Variants in SOD2 observed in about 807,000 individuals in gnomAD.
SOD2 encodes the protein superoxide dismutase 2.
SOD2 carries 11 observed loss-of-function variants against 27.0 expected under a neutral mutation model. The ratio of observed to expected loss-of-function variants is 0.41; its 90% confidence interval spans 0.26 to 0.67. The LOEUF is 0.67. Among genes scored for constraint, SOD2 ranks in the 30% least tolerant of loss-of-function variants. The pLI is 0.34. For missense variants in SOD2, 250 were observed against 274.5 expected (o/e 0.91, Z 0.63); for synonymous variants, 105 against 103.0 (o/e 1.02, Z -0.12).
intron 1 of SOD2, among the ~76,000 whole-genome samples, chr6:159,723,429 C>G (rs1778078133): frequency 6.6e-6 from 1 of 152,202 alleles, no homozygotes; most frequent in Non-Finnish European, 1.5e-5. Flanking sequence ...CCTCATTGGT[C>G]TAAGCACTTC....
intron 1 of SOD2, among the ~76,000 whole-genome samples, chr6:159,712,564 C>G (rs1260842389): frequency 6.7e-6 from 1 of 149,592 alleles, no homozygotes; most frequent in Non-Finnish European, 1.5e-5. Context: ...ATAACCACCA[C>G]TCACACTACT....
At chr6:159,726,742 C>T (rs1428602577) in intron 1 of SOD2, 4 of 1,283,256 alleles carry the variant, frequency 3.1e-6, no homozygotes, top group Non-Finnish European at 4.1e-6. Context: ...AACAATAGCT[C>T]CTCGATGCGT....
chr6:159,704,789 GCA>G (rs2114811920), intron 1 of SOD2, among the ~76,000 whole-genome samples: 1 of 152,350 alleles, frequency 6.6e-6, no homozygotes, highest in Admixed American at 6.5e-5. Context: ...GGTTCTCCCA[GCA>G]CAGAGTTTGA....
At chr6:159,747,762 AAATAT>A (rs1298564996), upstream of SOD2, among the ~76,000 whole-genome samples, 1 of 152,210 alleles carries the variant, frequency 6.6e-6, no homozygotes, top group African/African-American at 2.4e-5. Flanking sequence ...CATTTTTAGT[AAATAT>A]AATGTTGATT....
Position 159,672,079 on chromosome 6 carries a change from A to C in SOD2, c.*10414T>G, listed in dbSNP as rs1355886969. 1 of 152,248 alleles carries C rather than the reference A, an allele frequency of 6.6e-6. No homozygotes were observed. The highest frequency in any genetic ancestry group is 2.4e-5 in the African/African-American group (1 of 41,460). The allele number at this position is 152,248 out of a possible 1,614,324, so 9.4% of individuals were successfully genotyped here. On this transcript the variant is annotated 3_prime_UTR_variant, in exon 5 of 5. Coordinates refer to ENST00000538183, the MANE Select transcript of SOD2 (RefSeq NM_000636.4). ...AAGAAACGAACAAAGCTTCCAAGAAATATGGGACTATGTGAAAAGACCAAA... is the reference window on the plus strand; with the variant it reads ...AAGAAACGAACAAAGCTTCCAAGAACTATGGGACTATGTGAAAAGACCAAA...
chr6:159,759,129 G>T (rs900571046), intron 1 of SOD2, among the ~76,000 whole-genome samples: 2 of 149,388 alleles, frequency 1.3e-5, no homozygotes, highest in African/African-American at 4.9e-5. Context: ...GTGCAATCTC[G>T]GCCCACCACA....
chr6:159,740,422 G>A (rs577790203), intron 1 of SOD2, among the ~76,000 whole-genome samples: 39 of 152,136 alleles, frequency 2.6e-4, no homozygotes, highest in Non-Finnish European at 5.1e-4. Flanking sequence ...TTCCCTTGGA[G>A]ATTTTAAACC....
upstream of SOD2, among the ~76,000 whole-genome samples, chr6:159,731,589 C>G (rs1778573420): frequency 6.6e-6 from 1 of 152,152 alleles, no homozygotes; most frequent in Non-Finnish European, 1.5e-5. Context: ...TGATTATTAT[C>G]CTCAACCTGT....
rs1222772661 is a variant in SOD2 at position 159,684,821 on chromosome 6, C to T, written c.523+33G>A. The stretch of plus-strand genomic sequence containing the variant: ...TTGAATGCTTTACAGTAGAGCATCT[C>T]TCCCAAATGAAATCACAATTTTTAA... On this transcript the variant is annotated intron_variant, in intron 4 of 4. Coordinates refer to ENST00000538183, the MANE Select transcript of SOD2 (RefSeq NM_000636.4). 2.6e-6 allele frequency: 4 copies of T among 1,557,122 alleles called. No homozygotes were observed. In the South Asian group the frequency reaches 3.4e-5, roughly 13 times the overall value.
intron 1 of SOD2, among the ~76,000 whole-genome samples, chr6:159,735,006 T>C (rs1293891373): frequency 6.6e-6 from 1 of 152,254 alleles, no homozygotes; most frequent in Non-Finnish European, 1.5e-5. Context: ...CTTGAATTCA[T>C]TAACCTATCT....
At chr6:159,750,267 A>G (rs1032150512) in intron 1 of SOD2, among the ~76,000 whole-genome samples, 5 of 152,228 alleles carry the variant, frequency 3.3e-5, no homozygotes, top group African/African-American at 1.2e-4. Context: ...GTAGAAGAGT[A>G]ATCCATAAAA....
intron 1 of SOD2, chr6:159,741,934 A>G (rs907919450): frequency 1.1e-5 from 6 of 569,828 alleles, no homozygotes; most frequent in Non-Finnish European, 1.8e-5. Context: ...CCTGGGGGAC[A>G]GAGCGAGACT....
At chr6:159,755,483 GAC>G in intron 1 of SOD2, 1 of 1,614,140 alleles carries the variant, frequency 6.2e-7, no homozygotes, top group Non-Finnish European at 8.5e-7. Flanking sequence ...CCAATCAAAT[GAC>G]ACAGACTCCA....
chr6:159,755,784 T>C (rs1779991218), intron 1 of SOD2: 2 of 1,031,320 alleles, frequency 1.9e-6, no homozygotes, highest in Non-Finnish European at 2.5e-6. Context: ...TTTTTTTTTT[T>C]TTTTTTGCTT....
At chr6:159,718,443 AAT>A (rs925015469) in intron 1 of SOD2, among the ~76,000 whole-genome samples, 1 of 152,224 alleles carries the variant, frequency 6.6e-6, no homozygotes, top group Non-Finnish European at 1.5e-5. Flanking sequence ...ATATTTTAAT[AAT>A]AGTCTAGTAA....
At position 159,671,760 on chromosome 6, in the gene SOD2, G is replaced by C. The variant is rs575574794; in HGVS notation, c.*10733C>G. 68 of 152,320 alleles carry C rather than the reference G, an allele frequency of 4.5e-4. No homozygotes were observed. The highest frequency in any genetic ancestry group is 1.4e-3 in the African/African-American group (60 of 41,566). 9.4% of individuals were successfully genotyped at this position (152,320 alleles called of 1,614,324 possible). Reference sequence around the variant, plus strand: ...GGACGGAGAATGACTTTGACGAGTTGAGAGAAGAAGGCTTCAGATGATCAA... The same window carrying C: ...GGACGGAGAATGACTTTGACGAGTTCAGAGAAGAAGGCTTCAGATGATCAA... On this transcript the variant is annotated 3_prime_UTR_variant, in exon 5 of 5. Coordinates refer to ENST00000538183, the MANE Select transcript of SOD2 (RefSeq NM_000636.4).
chr6:159,712,733 A>G, intron 1 of SOD2: 1 of 427,204 alleles, frequency 2.3e-6, no homozygotes. Context: ...ACCACCACTC[A>G]CACTACTCAG....
exon 1 of SOD2, chr6:159,761,472 A>C (rs1780123044): frequency 2.2e-6 from 1 of 453,088 alleles, no homozygotes; most frequent in Non-Finnish European, 4.4e-6. Flanking sequence ...TCGCACCGAG[A>C]CGCTCCTAGC....
chr6:159,762,179 G>T (rs1330499154), exon 1 of SOD2: 3 of 1,595,210 alleles, frequency 1.9e-6, no homozygotes, highest in Admixed American at 1.7e-5. Flanking sequence ...AGTCCGAGGC[G>T]CCTGCTGCTT....
Sources: allele counts gnomAD v4.1 joint callset (sites outside exome capture counted in the v4.1 genomes callset), GRCh38; gene constraint gnomAD v4.1.1; transcripts MANE v1.5; gene names NCBI Gene and HGNC (gene_info 2026-07-23, HGNC 2026-07-21).